The following RGL1 variants were observed in gnomAD, a reference collection of about 807,000 sequenced individuals.
RGL1 encodes the protein ral guanine nucleotide dissociation stimulator like 1, also known as ral guanine nucleotide dissociation stimulator-like 1.
RGL1 carries 24 observed loss-of-function variants against 95.2 expected under a neutral mutation model. That is an observed-to-expected ratio of 0.25 (90% CI 0.18 to 0.35). The LOEUF is 0.35. Among genes scored for constraint, RGL1 ranks in the 10% least tolerant of loss-of-function variants. RGL1 has a pLI of 1.00. For synonymous variants in RGL1, 329 were observed against 344.9 expected (o/e 0.95, Z 0.51); for missense variants, 715 against 936.3 (o/e 0.76, Z 3.08).
chr1:183,768,079 G>GT (rs1219062464), intron 2 of RGL1, among the ~76,000 whole-genome samples: 4 of 151,178 alleles, frequency 2.6e-5, no homozygotes, highest in Admixed American at 2.0e-4. Flanking sequence ...TTTCTCTCAG[G>GT]TTTTAAAGAA....
At chr1:183,742,466 G>A (rs1657371990) in intron 2 of RGL1, among the ~76,000 whole-genome samples, 1 of 152,178 alleles carries the variant, frequency 6.6e-6, no homozygotes, top group South Asian at 2.1e-4. Flanking sequence ...GCACATTAAT[G>A]ACTACACAGT....
At chr1:183,923,415 A>G (rs1473431965) in intron 17 of RGL1, among the ~76,000 whole-genome samples, 1 of 152,184 alleles carries the variant, frequency 6.6e-6, no homozygotes, top group Non-Finnish European at 1.5e-5. Flanking sequence ...CTGTGGGGCA[A>G]CACTTTCTCA....
At chr1:183,910,043 T>TTCC (rs1668554984) in intron 14 of RGL1, among the ~76,000 whole-genome samples, 1 of 152,258 alleles carries the variant, frequency 6.6e-6, no homozygotes, top group Non-Finnish European at 1.5e-5. Context: ...TTAATTACTA[T>TTCC]TCCTCTGTTT....
chr1:183,828,418 A>G (rs1056672936), intron 2 of RGL1, among the ~76,000 whole-genome samples: 2 of 152,106 alleles, frequency 1.3e-5, no homozygotes, highest in African/African-American at 4.8e-5. Flanking sequence ...GGTCTTAACT[A>G]CTTGGCATGT....
rs141910461 is a variant in RGL1, at chr1:183,646,016, T to C, written c.-33+9515T>C. Among the ~76,000 whole-genome samples the C allele has an allele frequency of 3.3e-5, 5 of 152,378 alleles. No individual in the cohort carries two copies. In the East Asian group the frequency reaches 9.6e-4, roughly 29 times the overall value. The stretch of plus-strand genomic sequence containing the variant: ...CATCATCTATTTCAGACCATGTTTC[T>C]AATTGGATTCTCTGTAGCCTGGTTC... On this transcript the variant is annotated intron_variant, in intron 1 of 18. Coordinates refer to the RGL1 transcript ENST00000304685.
chr1:183,924,167 CAT>C (rs10595635), intron 17 of RGL1, among the ~76,000 whole-genome samples: 42,209 of 152,010 alleles, frequency 0.28, 6,034 homozygotes, highest in East Asian at 0.48. Context: ...CACATGCACA[CAT>C]ATGTTTATTG....
At chr1:183,647,728 C>G (rs1436700080) in intron 1 of RGL1, 10 of 1,610,526 alleles carry the variant, frequency 6.2e-6, no homozygotes, top group Non-Finnish European at 7.6e-6. Flanking sequence ...TTGCTACTTG[C>G]AAACTGTTCT....
At chr1:183,905,810 T>TG (rs755380344) in intron 13 of RGL1, among the ~76,000 whole-genome samples, 8 of 151,824 alleles carry the variant, frequency 5.3e-5, no homozygotes, top group South Asian at 2.1e-4. Flanking sequence ...ATGATTGGGG[T>TG]GGGGGGGAAC....
intron 1 of RGL1, among the ~76,000 whole-genome samples, chr1:183,655,170 T>G (rs1651059178): frequency 6.6e-6 from 1 of 152,166 alleles, no homozygotes; most frequent in Non-Finnish European, 1.5e-5. Context: ...AAGACTAAAC[T>G]ATCCTGCAAT....
At chr1:183,636,755 C>T (rs1649564160) in intron 1 of RGL1, among the ~76,000 whole-genome samples, 1 of 152,080 alleles carries the variant, frequency 6.6e-6, no homozygotes, top group African/African-American at 2.4e-5. Flanking sequence ...TATATGATTC[C>T]ATCTAGGCCA....
At chr1:183,706,781 T>C (rs1654941493) in intron 1 of RGL1, among the ~76,000 whole-genome samples, 1 of 152,242 alleles carries the variant, frequency 6.6e-6, no homozygotes, top group South Asian at 2.1e-4. Flanking sequence ...TTTTGCCTTT[T>C]ACTTTTCTCA....
chr1:183,730,603 A>G (rs1403423597), intron 1 of RGL1, among the ~76,000 whole-genome samples: 4 of 152,184 alleles, frequency 2.6e-5, no homozygotes, highest in Non-Finnish European at 5.9e-5. Context: ...ATGACAGTCC[A>G]TTATACATGG....
intron 2 of RGL1, among the ~76,000 whole-genome samples, chr1:183,825,781 C>T (rs778581613): frequency 1.8e-4 from 28 of 152,148 alleles, no homozygotes; most frequent in Non-Finnish European, 3.5e-4. Flanking sequence ...CAGACACACT[C>T]ATAGCAACAA....
intron 1 of RGL1, among the ~76,000 whole-genome samples, chr1:183,718,144 G>A (rs1276566133): frequency 4.6e-5 from 7 of 151,902 alleles, no homozygotes; most frequent in African/African-American, 1.7e-4. Context: ...TACTTGGGAG[G>A]CTGAGGCAGG....
chr1:183,910,081 T>C (rs913196157), intron 14 of RGL1, among the ~76,000 whole-genome samples: 1 of 152,122 alleles, frequency 6.6e-6, no homozygotes, highest in Non-Finnish European at 1.5e-5. Flanking sequence ...TGCTTTTCTT[T>C]CTTCTTTCCT....
intron 1 of RGL1, among the ~76,000 whole-genome samples, chr1:183,637,230 C>CCATT (rs1213054581): frequency 2.0e-5 from 3 of 152,104 alleles, no homozygotes; most frequent in Non-Finnish European, 2.9e-5. Context: ...GTTGCTTGTA[C>CCATT]CATTGGTTTT....
At chr1:183,753,361 T>C (rs1658142041) in intron 2 of RGL1, among the ~76,000 whole-genome samples, 1 of 152,212 alleles carries the variant, frequency 6.6e-6, no homozygotes, top group Non-Finnish European at 1.5e-5. Flanking sequence ...GCTTCCTATT[T>C]ATATTTTTAT....
chr1:183,657,773 C>A (rs954275997), intron 1 of RGL1, among the ~76,000 whole-genome samples: 2 of 151,582 alleles, frequency 1.3e-5, no homozygotes, highest in Admixed American at 6.6e-5. Flanking sequence ...GTCTTTATAG[C>A]AGCATGATTT....
At chr1:183,922,385 A>G (rs1481620374) in intron 17 of RGL1, 49 bp downstream of exon 17, 3 of 1,356,442 alleles carry the variant, frequency 2.2e-6, no homozygotes, top group Non-Finnish European at 3.1e-6. Flanking sequence ...GCAGGTGGCT[A>G]GCACATGTCC....
Sources: allele counts gnomAD v4.1 joint callset (sites outside exome capture counted in the v4.1 genomes callset), GRCh38; gene constraint gnomAD v4.1.1; transcripts MANE v1.5; gene names NCBI Gene and HGNC (gene_info 2026-07-23, HGNC 2026-07-21).